The following MAPK9 variants were observed in gnomAD, a reference collection of about 807,000 sequenced individuals.
MAPK9 encodes mitogen-activated protein kinase 9, also known as Jun kinase.
In MAPK9, 30 loss-of-function variants were observed where a neutral mutation model predicts 57.1. That is an observed-to-expected ratio of 0.53 (90% CI 0.39 to 0.71). The LOEUF is 0.71. Among genes scored for constraint, MAPK9 ranks in the 30% least tolerant of loss-of-function variants. The probability of loss-of-function intolerance (pLI) is 0.00; values close to 1 mark genes in which losing one functional copy is unlikely to be tolerated. For synonymous variants in MAPK9, 155 were observed against 177.0 expected (o/e 0.88, Z 0.99); for missense variants, 362 against 521.0 (o/e 0.69, Z 2.97).
At chr5:180,276,380 G>A (rs1470019743) in intron 2 of MAPK9, among the ~76,000 whole-genome samples, 4 of 152,122 alleles carry the variant, frequency 2.6e-5, no homozygotes, top group East Asian at 1.9e-4. Flanking sequence ...GAATGGTTTC[G>A]TAAAGCAAAT....
At chr5:180,245,347 T>C (rs998445483) in intron 7 of MAPK9, among the ~76,000 whole-genome samples, 1 of 152,160 alleles carries the variant, frequency 6.6e-6, no homozygotes, top group Non-Finnish European at 1.5e-5. Context: ...CTCTGCTCTG[T>C]TCTCCTGCTC....
chr5:180,240,026 T>C lies in MAPK9; in HGVS notation c.997-39A>G, dbSNP rs757463170. The C allele has an allele frequency of 1.0e-5, 16 of 1,523,988 alleles. No individual in the cohort carries two copies. In the South Asian group the frequency reaches 1.8e-4, roughly 17 times the overall value. The allele number at this position is 1,523,988 out of a possible 1,614,324, so 94.4% of individuals were successfully genotyped here. ...CATATGTAAAGTCAACAGTAATGCCTCAAAAAAAAATGAGGCACTAAAAAA... is the reference window on the plus strand; with the variant it reads ...CATATGTAAAGTCAACAGTAATGCCCCAAAAAAAAATGAGGCACTAAAAAA... On this transcript the variant is annotated intron_variant, in intron 9 of 11. Coordinates refer to ENST00000452135, the MANE Select transcript of MAPK9 (RefSeq NM_002752.5).
At chr5:180,242,805 T>C in intron 7 of MAPK9, 50 bp from the exon 8 acceptor site, 1 of 1,409,198 alleles carries the variant, frequency 7.1e-7, no homozygotes, top group Non-Finnish European at 9.8e-7. Context: ...GTATTCACAG[T>C]ACATGCGGCA....
At chr5:180,266,382 T>C (rs1229794009) in intron 3 of MAPK9, among the ~76,000 whole-genome samples, 2 of 151,962 alleles carry the variant, frequency 1.3e-5, no homozygotes, top group Non-Finnish European at 2.9e-5. Context: ...TGGCGCAATC[T>C]TGGCTTACTG....
intron 8 of MAPK9, among the ~76,000 whole-genome samples, chr5:180,241,797 A>C (rs1757684786): frequency 6.6e-6 from 1 of 152,228 alleles, no homozygotes; most frequent in Admixed American, 6.5e-5. Context: ...GGAAGGTGGC[A>C]ATTGCCGAGC....
At position 180,242,707 on chromosome 5, in the gene MAPK9, G is replaced by A. The variant is rs368426360; in HGVS notation, c.737C>T (p.Ala246Val). The A allele has an allele frequency of 7.4e-6, 12 of 1,613,932 alleles. No homozygotes were observed. Among genetic ancestry groups the A allele is most frequent in the South Asian group, 2.2e-5 (2 of 91,090 alleles). The change falls in exon 8 of 12, where the codon GCA becomes GTA. Residue 246 changes from alanine to valine, a missense_variant. Ala to Val is a moderately conservative substitution (Grantham distance 64). Coordinates refer to ENST00000452135, the MANE Select transcript of MAPK9 (RefSeq NM_002752.5). Reference protein sequence around the residue: ...KVIEQLGTPSAEFMKKLQPTV... With the variant: ...KVIEQLGTPSVEFMKKLQPTV... Reference sequence around the variant, plus strand: ...TGGCTGAAGTTTCTTCATGAACTCTGCTGATGGTGTTCCCAGCTGCTCAAT... The same window carrying A: ...TGGCTGAAGTTTCTTCATGAACTCTACTGATGGTGTTCCCAGCTGCTCAAT...
In MAPK9 at chr5:180,280,545, C is replaced by T; in HGVS notation, c.17G>A (p.Cys6Tyr). 6.2e-7 allele frequency: 1 copy of T among 1,614,030 alleles called. No individual in the cohort carries two copies. The highest frequency in any genetic ancestry group is 1.3e-5 in the African/African-American group (1 of 75,062). ...TTGCACACTATAAAACTGACTGTCA[C>T]ATTTACTGTCGCTCATGATGCAGCG... is the stretch of plus-strand genomic sequence containing the variant. MSDSK[C>Y]DSQFYSVQVA... The change falls in exon 2 of 12, where the codon TGT becomes TAT. Residue 6 changes from cysteine (C) to tyrosine (Y), a missense_variant. By Grantham distance (194) the Cys-to-Tyr change is radical (BLOSUM62 -2). This residue lies in a region of MAPK9 where 36 missense variants were observed against 38.0 expected (regional missense o/e 0.95). Transcript: ENST00000452135.
At position 180,260,576 on chromosome 5, in the gene MAPK9, G is replaced by A. The variant is rs143235308; in HGVS notation, c.450+1108C>T. The stretch of plus-strand genomic sequence containing the variant: ...CCTTATTTAACACGAAAATATTGAG[G>A]TGAGAATTCTGTAGATACCCTTTAA... On this transcript the variant is annotated intron_variant, in intron 5 of 11. Coordinates refer to ENST00000452135, the MANE Select transcript of MAPK9 (RefSeq NM_002752.5). Among the ~76,000 whole-genome samples, 247 of 152,292 alleles carry A rather than the reference G, an allele frequency of 1.6e-3. 1 individual carries two copies. The highest frequency in any genetic ancestry group is 5.8e-3 in the African/African-American group (240 of 41,562).
intron 5 of MAPK9, among the ~76,000 whole-genome samples, chr5:180,254,191 T>C (rs1172174999): frequency 6.6e-6 from 1 of 152,214 alleles, no homozygotes; most frequent in Admixed American, 6.5e-5. Flanking sequence ...GGTGTCGAAC[T>C]CTTGACCTCA....
chr5:180,241,374 T>G (rs576970052), intron 8 of MAPK9, among the ~76,000 whole-genome samples: 1 of 151,988 alleles, frequency 6.6e-6, no homozygotes, highest in South Asian at 2.1e-4. Context: ...CTTGGCTCAC[T>G]GCAAGTTCCA....
intron 2 of MAPK9, among the ~76,000 whole-genome samples, chr5:180,278,295 G>C (rs1762005450): frequency 6.6e-6 from 1 of 152,240 alleles, no homozygotes; most frequent in Admixed American, 6.5e-5. Flanking sequence ...CACCAGTGAG[G>C]GTTATGGCAG....
chr5:180,233,859 G>A lies in MAPK9; in HGVS notation c.*2525C>T, dbSNP rs971928909. 7 of 152,368 alleles carry A rather than the reference G, an allele frequency of 4.6e-5. No homozygotes were observed. The highest frequency in any genetic ancestry group is 1.7e-4 in the African/African-American group (7 of 41,576). 9.4% of individuals were successfully genotyped at this position (152,368 alleles called of 1,614,324 possible). A position where few individuals can be genotyped will look rare whatever the true frequency, so the allele number is the denominator to read the frequency against. On this transcript the variant is annotated 3_prime_UTR_variant, in exon 12 of 12. Coordinates refer to ENST00000452135, the MANE Select transcript of MAPK9 (RefSeq NM_002752.5). ...TCAGACACGGACTTGGGGTGGGCAA[G>A]GGGCCCTGTAAGAGGGCTTCCTCCT...
chr5:180,241,313 T>C (rs573591874), intron 8 of MAPK9, among the ~76,000 whole-genome samples, 158 bp from the exon 9 acceptor site: 217 of 152,214 alleles, frequency 1.4e-3, no homozygotes, highest in Non-Finnish European at 2.3e-3. Context: ...AATTTTTTTT[T>C]TTTTTTTCGG....
chr5:180,245,892 A>G (rs978014583), intron 7 of MAPK9: 24 of 152,216 alleles, frequency 1.6e-4, no homozygotes, highest in African/African-American at 5.8e-4. Context: ...TCTATCTCCC[A>G]AATTTCAATC....
intron 1 of MAPK9, among the ~76,000 whole-genome samples, chr5:180,285,789 A>C (rs1207473520): frequency 6.6e-6 from 1 of 151,756 alleles, no homozygotes; most frequent in African/African-American, 2.4e-5. Context: ...TAATAATAGT[A>C]AAAATCTGGC....
chr5:180,248,912 G>A (rs113758719), intron 6 of MAPK9, 61 bp downstream of exon 6: 8 of 1,507,854 alleles, frequency 5.3e-6, no homozygotes, highest in Non-Finnish European at 7.1e-6. Context: ...GAAAAAACTC[G>A]AGACCACCGC....
chr5:180,291,092 A>T (rs1763186504), intron 1 of MAPK9, among the ~76,000 whole-genome samples: 1 of 152,358 alleles, frequency 6.6e-6, no homozygotes, highest in East Asian at 1.9e-4. Context: ...TTGTGCCAAG[A>T]TCACGGAGAC....
chr5:180,239,156 T>C (rs2127574311), intron 10 of MAPK9, among the ~76,000 whole-genome samples: 1 of 152,364 alleles, frequency 6.6e-6, no homozygotes, highest in Middle Eastern at 3.4e-3. Flanking sequence ...CTAAGTCTTT[T>C]CTTAATTTCA....
chr5:180,254,139 ATAT>A (rs1759018042), intron 5 of MAPK9, among the ~76,000 whole-genome samples: 2 of 151,848 alleles, frequency 1.3e-5, no homozygotes, highest in African/African-American at 2.4e-5. Context: ...GCTAATTTTT[ATAT>A]TTTTAGTAGA....
Sources: allele counts gnomAD v4.1 joint callset (sites outside exome capture counted in the v4.1 genomes callset), GRCh38; gene constraint gnomAD v4.1.1; regional missense constraint gnomAD v4.1.1; transcripts MANE v1.5; gene names NCBI Gene and HGNC (gene_info 2026-07-23, HGNC 2026-07-21).